The following TPR variants were observed in gnomAD, a reference collection of about 807,000 sequenced individuals.
TPR encodes translocated promoter region, nuclear basket protein.
TPR carries 51 observed loss-of-function variants against 316.1 expected under a neutral mutation model. The ratio of observed to expected loss-of-function variants is 0.16; its 90% CI spans 0.13 to 0.20. The LOEUF is 0.20. Among genes scored for constraint, TPR ranks in the 10% least tolerant of loss-of-function variants. TPR has a pLI of 1.00. For missense variants in TPR, 2,272 were observed against 2,754.8 expected, an observed-to-expected ratio of 0.82 and a Z score of 3.92; for synonymous variants, 981 against 914.7, an observed-to-expected ratio of 1.07 and a Z score of -1.31.
At position 186,355,693 on chromosome 1, in the gene TPR, G is replaced by C. The variant is rs755505399; in HGVS notation, c.1964C>G (p.Ala655Gly). 8.1e-6 allele frequency: 13 copies of C among 1,614,006 alleles called. No individual in the cohort carries two copies. In the Admixed American group the frequency reaches 2.0e-4, roughly 25 times the overall value. Residue 655 changes from alanine (A) to glycine (G), a missense_variant, in exon 16 of 51, where the codon GCT becomes GGT. Coordinates refer to ENST00000367478, the MANE Select transcript of TPR (RefSeq NM_003292.3). ...PSTSQTVSTP[A>G]PVPVIESTEA... ...TGTTGATTCAATAACAGGTACTGGA[G>C]CAGGAGTGGAAACAGTCTGTGATGT...
At position 186,367,891 on chromosome 1, in the gene TPR, A is replaced by G. The variant is rs1659395236; in HGVS notation, c.422T>C (p.Leu141Ser). 1 of 1,603,824 alleles carries G rather than the reference A, an allele frequency of 6.2e-7. No individual in the cohort carries two copies. The highest frequency in any genetic ancestry group is 8.5e-7 in the Non-Finnish European group (1 of 1,172,982). ...NERLSQELEYLTEDVKRLNEK... is the reference protein window; with the variant it reads ...NERLSQELEYSTEDVKRLNEK... ...CTACAAGCACTTCTTCATACCTGTT[A>G]AGTATTCAAGTTCTTGAGATAGTCT... is the stretch of plus-strand genomic sequence containing the variant. Residue 141 changes from leucine (L) to serine (S), a missense_variant, in exon 4 of 51, where the codon TTA becomes TCA. By Grantham distance (145) the Leu-to-Ser change is moderately radical. Around this residue, in one of 10 missense-constraint regions of TPR, gnomAD observed 549 missense variants for 598.6 expected, o/e 0.92. Transcript: ENST00000367478.
intron 14 of TPR, among the ~76,000 whole-genome samples, chr1:186,356,847 C>T (rs963466971): frequency 1.3e-5 from 2 of 152,142 alleles, no homozygotes; most frequent in Non-Finnish European, 2.9e-5. Context: ...AGGACAAGTC[C>T]TCTACCGCTA....
chr1:186,339,446 C>T (rs531761911), intron 30 of TPR, among the ~76,000 whole-genome samples, 196 bp downstream of exon 30: 143 of 152,062 alleles, frequency 9.4e-4, no homozygotes, highest in Admixed American at 2.0e-3. Context: ...TGAGGATAGT[C>T]TCATATATAT....
At chr1:186,364,063 T>C (rs984182653) in intron 4 of TPR, among the ~76,000 whole-genome samples, 19 of 152,204 alleles carry the variant, frequency 1.2e-4, no homozygotes, top group African/African-American at 4.3e-4. Flanking sequence ...GTAAATTGCA[T>C]AATGCAGAAA....
chr1:186,335,069 T>A lies in TPR; in HGVS notation c.4972A>T (p.Ile1658Phe). The change falls in exon 35 of 51, where the codon ATT becomes TTT. Residue 1658 changes from isoleucine (I) to phenylalanine (F), a missense_variant and splice_region_variant. Ile to Phe is a conservative substitution (Grantham distance 21, BLOSUM62 0). Transcript: ENST00000367478. ...GACTATGAAATAACTAAAACTCACA[T>A]TCCTCTTTCACCAGAAGCTGGAGTT... is the stretch of plus-strand genomic sequence containing the variant. ...KTTPASGERG[I>F]ASTSDPPTAN... is the part of the protein sequence containing the mutation. 1.2e-6 allele frequency: 2 copies of A among 1,612,494 alleles called. No homozygotes were observed. Among genetic ancestry groups the A allele is most frequent in the Non-Finnish European group, 1.7e-6 (2 of 1,179,296 alleles).
In TPR at chr1:186,318,716, C is replaced by T; in HGVS notation, c.6664+17G>A. On this transcript the variant is annotated intron_variant, in intron 47 of 50. Coordinates refer to ENST00000367478, the MANE Select transcript of TPR (RefSeq NM_003292.3). ...TTACCAATAAAACAGAACCTACTAT[C>T]TGCCTTTGATCCCTACCTGGGGCTG... The T allele has an allele frequency of 1.2e-6, 2 of 1,613,378 alleles. No homozygotes were observed.
At chr1:186,342,338 GT>G (rs1250603137) in intron 27 of TPR, 10 of 152,044 alleles carry the variant, frequency 6.6e-5, no homozygotes, top group African/African-American at 2.4e-4. Flanking sequence ...TTTAAGGTTG[GT>G]TTCCCCCTAT....
rs377115101 is a variant in TPR at position 186,355,701 on chromosome 1, G to A, written c.1956C>T (p.Ser652=). 2.5e-6 allele frequency: 4 copies of A among 1,613,944 alleles called. No homozygotes were observed. Among genetic ancestry groups the A allele is most frequent in the South Asian group, 2.2e-5 (2 of 91,086 alleles). Reference sequence around the variant, plus strand: ...CAATAACAGGTACTGGAGCAGGAGTGGAAACAGTCTGTGATGTACTTGGAC... The same window carrying A: ...CAATAACAGGTACTGGAGCAGGAGTAGAAACAGTCTGTGATGTACTTGGAC... ...PKRPSTSQTV[S]TPAPVPVIES... Residue 652 remains serine, a synonymous_variant, in exon 16 of 51, where the codon TCC becomes TCT. Transcript: ENST00000367478.
intron 18 of TPR, 55 bp from the exon 19 acceptor site, chr1:186,352,165 A>G (rs1241002441): frequency 1.4e-5 from 21 of 1,489,678 alleles, no homozygotes; most frequent in African/African-American, 4.3e-5. Context: ...TGTCAAGTGT[A>G]TTAAGATTAT....
chr1:186,353,553 T>C (rs1168015258), intron 18 of TPR, 135 bp downstream of exon 18: 47 of 904,198 alleles, frequency 5.2e-5, no homozygotes, highest in Non-Finnish European at 7.7e-5. Context: ...TTGCAAACTA[T>C]GTATTAATTA....
In TPR at chr1:186,318,816, T is replaced by C. The variant is rs367908387; in HGVS notation, c.6581A>G (p.Tyr2194Cys). 4 of 1,614,050 alleles carry C rather than the reference T, an allele frequency of 2.5e-6. No individual in the cohort carries two copies. In the African/African-American group the frequency reaches 4.0e-5, roughly 16 times the overall value. ...ATGAGCTAGGAACAGGGGTGTTTCA[T>C]ACATTCCTAAACCTAAAGACAATTC... ...QLASQGGLGMYETPLFLAHEE... is the reference protein window; with the variant it reads ...QLASQGGLGMCETPLFLAHEE... Residue 2194 changes from tyrosine (Y) to cysteine (C), a missense_variant, in exon 47 of 51, where the codon TAT becomes TGT. This residue lies in a region of TPR where 88 missense variants were observed against 176.2 expected (regional missense o/e 0.50). Transcript: ENST00000367478.
chr1:186,351,518 C>T (rs1189498584), intron 19 of TPR, 48 bp from the exon 20 acceptor site: 8 of 1,482,994 alleles, frequency 5.4e-6, no homozygotes, highest in African/African-American at 1.4e-5. Flanking sequence ...AAAGGCAATA[C>T]AAAAAAATAA....
At chr1:186,320,267 C>T in intron 46 of TPR, 45 bp downstream of exon 46, 1 of 1,505,248 alleles carries the variant, frequency 6.6e-7, no homozygotes, top group Admixed American at 2.0e-5. Flanking sequence ...TAGTTTATTA[C>T]CAAATACATA....
At chr1:186,327,420 AAT>A (rs1658034762) in intron 40 of TPR, 38 bp downstream of exon 40, 2 of 1,594,866 alleles carry the variant, frequency 1.3e-6, no homozygotes, top group South Asian at 1.1e-5. Flanking sequence ...ACTTTCATCC[AAT>A]AGTTTAAAAA....
In TPR at chr1:186,347,285, T is replaced by C. The variant is rs748356085; in HGVS notation, c.2943+7A>G. 2.5e-6 allele frequency: 4 copies of C among 1,613,264 alleles called. No homozygotes were observed. Among genetic ancestry groups the C allele is most frequent in the Admixed American group, 3.3e-5 (2 of 59,958 alleles). ...AGATTGAATTCTGAATTCAGAATTA[T>C]ACATACCTGTTTTTCCTTGTTCAGG... is the stretch of plus-strand genomic sequence containing the variant. On this transcript the variant is annotated splice_region_variant and intron_variant, in intron 22 of 50. Transcript: ENST00000367478.
In TPR at chr1:186,366,388, G is replaced by A. The variant is rs534682060; in HGVS notation, c.427+1498C>T. Among the ~76,000 whole-genome samples, 60 of 152,186 alleles carry A rather than the reference G, an allele frequency of 3.9e-4. 1 individual carries two copies. The highest frequency in any genetic ancestry group is 3.6e-3 in the Admixed American group (55 of 15,276). ...TTTTCTCTAGCTTACTTTATTGAAG[G>A]AGCACAGTATATAATACAGATCACA... On this transcript the variant is annotated intron_variant, in intron 4 of 50. Transcript: ENST00000367478.
rs1657802473 is a variant in TPR, at chr1:186,322,543, T to C, written c.6341A>G (p.Gln2114Arg). 6.2e-7 allele frequency: 1 copy of C among 1,613,998 alleles called. No homozygotes were observed. Reference protein sequence around the residue: ...TRRQSVGRGLQLTPGIGGMQQ... With the variant: ...TRRQSVGRGLRLTPGIGGMQQ... ...CATGCCACCTATTCCTGGAGTCAACTGAAGGCCACGTCCTACAGACTGCCT... is the reference window on the plus strand; with the variant it reads ...CATGCCACCTATTCCTGGAGTCAACCGAAGGCCACGTCCTACAGACTGCCT... Residue 2114 changes from glutamine to arginine, a missense_variant, in exon 44 of 51, where the codon CAG becomes CGG. Coordinates refer to ENST00000367478, the MANE Select transcript of TPR (RefSeq NM_003292.3).
chr1:186,341,735 TCA>T (rs1658509590), intron 27 of TPR: 1 of 180,016 alleles, frequency 5.6e-6, no homozygotes, highest in African/African-American at 2.4e-5. Context: ...ATTCTAATCC[TCA>T]GTTTATTCCC....
At chr1:186,372,238 T>C (rs544490557) in intron 2 of TPR, among the ~76,000 whole-genome samples, 1 of 152,326 alleles carries the variant, frequency 6.6e-6, no homozygotes, top group South Asian at 2.1e-4. Flanking sequence ...CAAATTAAAA[T>C]TGAACTATAT....
Sources: gnomAD v4.1 joint callset for allele counts (sites outside exome capture counted in the v4.1 genomes callset) on GRCh38, gnomAD v4.1.1 for gene constraint, gnomAD v4.1.1 regional missense constraint, MANE v1.5 for transcripts, NCBI Gene and HGNC (gene_info 2026-07-23, HGNC 2026-07-21) for gene names.